CRK: variants seen among roughly 807,000 people sequenced by gnomAD.
CRK encodes the protein CRK proto-oncogene, adaptor protein.
Under a neutral mutation model 29.8 loss-of-function variants are expected in CRK, and 4 were observed. The ratio of observed to expected loss-of-function variants is 0.13; its 90% CI spans 0.07 to 0.31. CRK has a LOEUF of 0.31. Among genes scored for constraint, CRK ranks in the 10% least tolerant of loss-of-function variants. The pLI is 1.00. For synonymous variants in CRK, 153 were observed against 164.9 expected, an observed-to-expected ratio of 0.93 and a Z score of 0.55; for missense variants, 274 against 396.5, an observed-to-expected ratio of 0.69 and a Z score of 2.62.
chr17:1,434,343 A>G (rs1415615598), intron 2 of CRK, among the ~76,000 whole-genome samples: 1 of 152,144 alleles, frequency 6.6e-6, no homozygotes, highest in Non-Finnish European at 1.5e-5. Context: ...CATCCCACAG[A>G]ATCCTGGGAG....
At position 1,421,437 on chromosome 17, in the gene CRK, A is replaced by G. The variant is rs1339297057; in HGVS notation, c.*2076T>C. On this transcript the variant is annotated 3_prime_UTR_variant, in exon 3 of 3. Coordinates refer to ENST00000300574, the MANE Select transcript of CRK (RefSeq NM_016823.4). ...TAACTGAAAATTTAACAAAGCAGTCAGATGGAATTACATGTAGTATTACAA... is the reference window on the plus strand; with the variant it reads ...TAACTGAAAATTTAACAAAGCAGTCGGATGGAATTACATGTAGTATTACAA... The G allele has an allele frequency of 1.3e-5, 2 of 152,260 alleles. No individual in the cohort carries two copies. The highest frequency in any genetic ancestry group is 2.4e-5 in the African/African-American group (1 of 41,474). The allele number at this position is 152,260 out of a possible 1,614,324, so 9.4% of individuals were successfully genotyped here.
chr17:1,436,863 C>T lies in CRK; in HGVS notation c.534G>A (p.Lys178=). The change falls in exon 2 of 3, where the codon AAG becomes AAA. Residue 178 remains lysine (K), a synonymous_variant. Coordinates refer to ENST00000300574, the MANE Select transcript of CRK (RefSeq NM_016823.4). ...QWWNAEDSEG[K]RGMIPVPYVE... The stretch of plus-strand genomic sequence containing the variant: ...CGTAAGGGACTGGAATCATCCCTCT[C>T]TTGCCTTCGCTGTCCTCCGCATTCC... 1.2e-6 allele frequency: 2 copies of T among 1,610,046 alleles called. No homozygotes were observed. Among genetic ancestry groups the T allele is most frequent in the Non-Finnish European group, 1.7e-6 (2 of 1,177,556 alleles).
chr17:1,429,396 C>T (rs898396236), intron 2 of CRK, among the ~76,000 whole-genome samples: 2 of 151,912 alleles, frequency 1.3e-5, no homozygotes, highest in Admixed American at 1.3e-4. Flanking sequence ...GCCTTAGGCT[C>T]CCAAGGACCT....
At chr17:1,431,596 A>G (rs1013684120) in intron 2 of CRK, among the ~76,000 whole-genome samples, 9 of 152,004 alleles carry the variant, frequency 5.9e-5, no homozygotes, top group Non-Finnish European at 1.2e-4. Context: ...TTGGTGTACT[A>G]GTTTTTTTTG....
intron 2 of CRK, among the ~76,000 whole-genome samples, chr17:1,429,416 G>C (rs2073815568): frequency 6.6e-6 from 1 of 152,034 alleles, no homozygotes; most frequent in African/African-American, 2.4e-5. Flanking sequence ...TGGGATTATA[G>C]GCGCCCGCCA....
intron 1 of CRK, among the ~76,000 whole-genome samples, chr17:1,439,364 T>C (rs2073917100): frequency 1.3e-5 from 2 of 152,138 alleles, no homozygotes; most frequent in African/African-American, 4.8e-5. Flanking sequence ...CCCAAAGTGC[T>C]GGGATTGATT....
intron 1 of CRK, among the ~76,000 whole-genome samples, chr17:1,448,922 G>A (rs1157285296): frequency 6.6e-6 from 1 of 151,978 alleles, no homozygotes; most frequent in Non-Finnish European, 1.5e-5. Flanking sequence ...GGAGACATCT[G>A]TTGAGGCCAG....
At chr17:1,431,620 C>T (rs1183131473) in intron 2 of CRK, among the ~76,000 whole-genome samples, 1 of 152,078 alleles carries the variant, frequency 6.6e-6, no homozygotes, top group Non-Finnish European at 1.5e-5. Context: ...CAGAGTCTCA[C>T]TCTGTCGCCT....
chr17:1,437,945 T>G (rs1291486057), intron 1 of CRK, among the ~76,000 whole-genome samples: 2 of 150,956 alleles, frequency 1.3e-5, no homozygotes, highest in Non-Finnish European at 3.0e-5. Flanking sequence ...GGATTACAGG[T>G]GTGAGCTACT....
intron 1 of CRK, among the ~76,000 whole-genome samples, chr17:1,437,569 C>T (rs1423824689): frequency 6.6e-6 from 1 of 152,024 alleles, no homozygotes; most frequent in East Asian, 1.9e-4. Context: ...CATACTTGAT[C>T]AACGACGGGG....
chr17:1,447,415 C>CA (rs1568020739), intron 1 of CRK, among the ~76,000 whole-genome samples: 1 of 152,078 alleles, frequency 6.6e-6, no homozygotes, highest in Non-Finnish European at 1.5e-5. Context: ...GGTACCTGCT[C>CA]AGCCCGTTAC....
At chr17:1,425,831 T>C (rs1379088654) in intron 2 of CRK, among the ~76,000 whole-genome samples, 1 of 151,984 alleles carries the variant, frequency 6.6e-6, no homozygotes, top group Non-Finnish European at 1.5e-5. Flanking sequence ...GGTCATAGGA[T>C]GCTGAGAAAA....
chr17:1,430,435 C>A, intron 2 of CRK, among the ~76,000 whole-genome samples: 2 of 151,462 alleles, frequency 1.3e-5, no homozygotes, highest in Non-Finnish European at 2.9e-5. Context: ...TGGCTCACTG[C>A]AAGCTCCGCC....
At chr17:1,425,110 G>A (rs866687744) in intron 2 of CRK, among the ~76,000 whole-genome samples, 3 of 151,580 alleles carry the variant, frequency 2.0e-5, no homozygotes, top group African/African-American at 4.8e-5. Flanking sequence ...GTTTTTTTAA[G>A]ACAGAGTCTC....
At chr17:1,444,906 T>C (rs1395575901) in intron 1 of CRK, among the ~76,000 whole-genome samples, 2 of 151,364 alleles carry the variant, frequency 1.3e-5, no homozygotes, top group South Asian at 2.1e-4. Flanking sequence ...CCCAGCACTC[T>C]GGGAGGCCGA....
chr17:1,447,250 G>T (rs1446218656), intron 1 of CRK, among the ~76,000 whole-genome samples: 1 of 152,192 alleles, frequency 6.6e-6, no homozygotes, highest in African/African-American at 2.4e-5. Flanking sequence ...CTAGAGAACA[G>T]AAGCAACGAC....
chr17:1,444,594 G>GC (rs1373009428), intron 1 of CRK, among the ~76,000 whole-genome samples: 1 of 100,868 alleles, frequency 9.9e-6, no homozygotes, highest in African/African-American at 5.5e-5. Context: ...GGAAGCCGAA[G>GC]CGGGGGGGGG....
At chr17:1,430,549 T>A (rs1301689568) in intron 2 of CRK, among the ~76,000 whole-genome samples, 3 of 146,448 alleles carry the variant, frequency 2.0e-5, no homozygotes, top group African/African-American at 7.6e-5. Flanking sequence ...TTTTTTTTAG[T>A]AGAGATGGGA....
Position 1,423,146 on chromosome 17 carries a change from A to C in CRK, c.*367T>G. 2.3e-6 allele frequency: 1 copy of C among 435,082 alleles called. No individual in the cohort carries two copies. Among genetic ancestry groups the C allele is most frequent in the Non-Finnish European group, 4.0e-6 (1 of 248,060 alleles). The allele number at this position is 435,082 out of a possible 1,614,324, so 27.0% of individuals were successfully genotyped here. The stretch of plus-strand genomic sequence containing the variant: ...ATAGTATGGTTCCAGAATGAAAACA[A>C]AACCACTGAATAAATCAGGGTAAGC... On this transcript the variant is annotated 3_prime_UTR_variant, in exon 3 of 3. Coordinates refer to ENST00000300574, the MANE Select transcript of CRK (RefSeq NM_016823.4).
Sources: allele counts gnomAD v4.1 joint callset (sites outside exome capture counted in the v4.1 genomes callset), GRCh38; gene constraint gnomAD v4.1.1; transcripts MANE v1.5; gene names NCBI Gene and HGNC (gene_info 2026-07-23, HGNC 2026-07-21).